Variants in IQCH observed in about 807,000 individuals in gnomAD.
IQCH encodes IQ motif containing H.
A neutral mutation model predicts 117.0 loss-of-function variants in IQCH; 98 were observed. That is an observed-to-expected ratio of 0.84 (90% CI 0.71 to 0.99). The LOEUF is 0.99. IQCH is among the 50% of genes least tolerant of loss of function. The pLI is 0.00. For synonymous variants in IQCH, 412 were observed against 448.2 expected (o/e 0.92, Z 1.02); for missense variants, 1,102 against 1,243.8 (o/e 0.89, Z 1.72).
At chr15:67,301,404 T>TTG (rs1385384751) in intron 4 of IQCH, among the ~76,000 whole-genome samples, 1 of 108,718 alleles carries the variant, frequency 9.2e-6, no homozygotes, top group Non-Finnish European at 2.0e-5. Flanking sequence ...ATGTTAAGTT[T>TTG]TTTTTTTTTT....
intron 14 of IQCH, among the ~76,000 whole-genome samples, chr15:67,414,344 C>T (rs994503540): frequency 5.9e-5 from 9 of 152,054 alleles, no homozygotes; most frequent in Middle Eastern, 3.2e-3. Context: ...CTGGAGAGCA[C>T]GGAGAAAGCT....
intron 5 of IQCH, among the ~76,000 whole-genome samples, chr15:67,339,762 G>A (rs1483156024): frequency 1.3e-5 from 2 of 152,174 alleles, no homozygotes; most frequent in African/African-American, 4.8e-5. Flanking sequence ...GTCTCAGTAG[G>A]TTTGGCCTGA....
Position 67,393,910 on chromosome 15 carries a change from G to A in IQCH, c.1633-1381G>A, listed in dbSNP as rs1227984379. Among the ~76,000 whole-genome samples the A allele has an allele frequency of 6.6e-6, 1 of 152,082 alleles. No individual in the cohort carries two copies. The highest frequency in any genetic ancestry group is 6.6e-5 in the Admixed American group (1 of 15,264). ...GTATTATACTAGGTATTTTACATTT[G>A]TGATCTTATTTTAAAAGCCTTAGAG... is the stretch of plus-strand genomic sequence containing the variant. On this transcript the variant is annotated intron_variant, in intron 12 of 20. Transcript: ENST00000335894. The surrounding 1 kb of genome is among the most constrained non-coding windows in gnomAD (Gnocchi z 5.5).
At position 67,443,633 on chromosome 15, in the gene IQCH, T is replaced by C. The variant is rs1483566211; in HGVS notation, c.2506-21494T>C. Among the ~76,000 whole-genome samples the C allele has an allele frequency of 6.6e-6, 1 of 152,200 alleles. No homozygotes were observed. Among genetic ancestry groups the C allele is most frequent in the Non-Finnish European group, 1.5e-5 (1 of 68,030 alleles). On this transcript the variant is annotated intron_variant, in intron 16 of 20. Coordinates refer to ENST00000335894, the MANE Select transcript of IQCH (RefSeq NM_001031715.3). The surrounding 1 kb of genome is among the most constrained non-coding windows in gnomAD (Gnocchi z 5.0). ...ACCTCCCACATATTACCTTCAGTCC[T>C]ACAATTTGCTTTTCCTTTTTTCTCT...
In IQCH at chr15:67,337,107, A is replaced by G. The variant is rs781046201; in HGVS notation, c.508+12A>G. ...AGATGCCCACAAAGGTTAGTGATTC[A>G]ATAGCCATTTTACGTGTTTAGGAAC... On this transcript the variant is annotated intron_variant, in intron 5 of 20. Coordinates refer to ENST00000335894, the MANE Select transcript of IQCH (RefSeq NM_001031715.3). 1.5e-5 allele frequency: 24 copies of G among 1,612,658 alleles called. No homozygotes were observed. The Admixed American group carries it at 1.7e-4, about 11-fold the overall frequency.
In IQCH at chr15:67,357,431, T is replaced by A. The variant is rs775622696; in HGVS notation, c.714+10T>A. The A allele has an allele frequency of 6.6e-7, 1 of 1,513,814 alleles. No homozygotes were observed. Among genetic ancestry groups the A allele is most frequent in the Admixed American group, 1.7e-5 (1 of 59,912 alleles). 93.8% of individuals were successfully genotyped at this position (1,513,814 alleles called of 1,614,324 possible). Reference sequence around the variant, plus strand: ...GAAACAAAGATCAAAGGTATTTATATTCCTCACTATAGAAAGAAAATTATT... The same window carrying A: ...GAAACAAAGATCAAAGGTATTTATAATCCTCACTATAGAAAGAAAATTATT... On this transcript the variant is annotated intron_variant, in intron 7 of 20. Coordinates refer to ENST00000335894, the MANE Select transcript of IQCH (RefSeq NM_001031715.3).
At chr15:67,484,338 C>T (rs1176925232) in intron 18 of IQCH, among the ~76,000 whole-genome samples, 4 of 151,396 alleles carry the variant, frequency 2.6e-5, no homozygotes, top group South Asian at 2.1e-4. Flanking sequence ...CCTGGGAAGT[C>T]GAGGCTACAG....
At chr15:67,319,759 A>G (rs1968025229) in intron 4 of IQCH, among the ~76,000 whole-genome samples, 1 of 152,252 alleles carries the variant, frequency 6.6e-6, no homozygotes, top group African/African-American at 2.4e-5. Context: ...TTTCCGAGTC[A>G]TATAATTTAC....
At chr15:67,358,124 G>C (rs1279846090) in intron 7 of IQCH, among the ~76,000 whole-genome samples, 1 of 145,342 alleles carries the variant, frequency 6.9e-6, no homozygotes, top group South Asian at 2.2e-4. Context: ...CTCCCAAAGC[G>C]CTGGGATTAT....
rs2083762156 is a variant in IQCH at position 67,494,831 on chromosome 15, T to C, written c.2970+465T>C. ...TTAGGGAGAAGCAGAAAATATAGCATGTATGTGGGCCATCTACCCCACCCG... is the reference window on the plus strand; with the variant it reads ...TTAGGGAGAAGCAGAAAATATAGCACGTATGTGGGCCATCTACCCCACCCG... On this transcript the variant is annotated intron_variant, in intron 20 of 20. Coordinates refer to ENST00000335894, the MANE Select transcript of IQCH (RefSeq NM_001031715.3). The surrounding 1 kb of genome is among the most constrained non-coding windows in gnomAD (Gnocchi z 5.5). 1.3e-5 allele frequency among the ~76,000 whole-genome samples: 2 copies of C among 152,290 alleles called. No homozygotes were observed. Among genetic ancestry groups the C allele is most frequent in the South Asian group, 4.2e-4 (2 of 4,816 alleles).
rs1342542309 is a variant in IQCH at position 67,447,038 on chromosome 15, G to A, written c.2506-18089G>A. 6.6e-6 allele frequency among the ~76,000 whole-genome samples: 1 copy of A among 152,200 alleles called. No individual in the cohort carries two copies. Among genetic ancestry groups the A allele is most frequent in the Non-Finnish European group, 1.5e-5 (1 of 68,044 alleles). On this transcript the variant is annotated intron_variant, in intron 16 of 20. Coordinates refer to ENST00000335894, the MANE Select transcript of IQCH (RefSeq NM_001031715.3). This position sits in a 1 kb window ranked among gnomAD's most constrained non-coding sequence, Gnocchi z 5.3. ...AGAGCAATCAACAGGGTCAAGCACA[G>A]TAGAGAAAACCTGGCCTTTTGGGTT...
At chr15:67,269,134 T>C (rs1965797788) in intron 3 of IQCH, among the ~76,000 whole-genome samples, 1 of 151,920 alleles carries the variant, frequency 6.6e-6, no homozygotes, top group Non-Finnish European at 1.5e-5. Flanking sequence ...ATGCCACTGG[T>C]AACTGATGAA....
In IQCH at chr15:67,404,026, T is replaced by C. The variant is rs1164854483; in HGVS notation, c.2097+3721T>C. The C allele has an allele frequency of 1.3e-5, 2 of 152,226 alleles. No homozygotes were observed. The highest frequency in any genetic ancestry group is 2.9e-5 in the Non-Finnish European group (2 of 68,040). The allele number at this position is 152,226 out of a possible 1,614,324, so 9.4% of individuals were successfully genotyped here. A position where few individuals can be genotyped will look rare whatever the true frequency, so the allele number is the denominator to read the frequency against. On this transcript the variant is annotated intron_variant, in intron 14 of 20. Transcript: ENST00000335894. The surrounding 1 kb of genome is among the most constrained non-coding windows in gnomAD (Gnocchi z 4.6). ...TTACCACTTAATGAGAAATAGGAAA[T>C]TGAACTGGCTCTTGAATGCTTCTAG...
intron 3 of IQCH, among the ~76,000 whole-genome samples, chr15:67,269,592 C>CT (rs1267595964): frequency 6.6e-6 from 1 of 152,118 alleles, no homozygotes; most frequent in Non-Finnish European, 1.5e-5. Flanking sequence ...TTTCTTCTCT[C>CT]TAACTGTATA....
intron 4 of IQCH, among the ~76,000 whole-genome samples, chr15:67,316,028 T>C (rs1160836072): frequency 1.3e-5 from 2 of 152,158 alleles, no homozygotes; most frequent in African/African-American, 4.8e-5. Context: ...GAAAAATAAT[T>C]CTCCTTTCTC....
rs2081883471 is a variant in IQCH at position 67,426,090 on chromosome 15, T to C, written c.2505+4513T>C. On this transcript the variant is annotated intron_variant, in intron 16 of 20. Transcript: ENST00000335894. The surrounding 1 kb of genome is among the most constrained non-coding windows in gnomAD (Gnocchi z 5.1). ...TAAGATGTTCCAGGCTCATTTTCTA[T>C]TTTCCTTGCCCTGGACCTAGGATCG... Among the ~76,000 whole-genome samples the C allele has an allele frequency of 6.6e-6, 1 of 152,186 alleles. No homozygotes were observed. The highest frequency in any genetic ancestry group is 1.5e-5 in the Non-Finnish European group (1 of 68,038).
chr15:67,268,616 G>A (rs1018161860), intron 3 of IQCH, among the ~76,000 whole-genome samples: 4 of 152,178 alleles, frequency 2.6e-5, no homozygotes, highest in South Asian at 4.1e-4. Context: ...CAAGAACAAA[G>A]CAAGTAATAG....
intron 18 of IQCH, among the ~76,000 whole-genome samples, chr15:67,486,469 T>G (rs2083484135): frequency 6.6e-6 from 1 of 152,132 alleles, no homozygotes; most frequent in Non-Finnish European, 1.5e-5. Flanking sequence ...ATCCCACATA[T>G]CCCTGGATAT....
At chr15:67,274,378 G>A (rs1455629604) in intron 3 of IQCH, among the ~76,000 whole-genome samples, 6 of 152,056 alleles carry the variant, frequency 3.9e-5, no homozygotes, top group Non-Finnish European at 7.4e-5. Flanking sequence ...TTCTCTGACT[G>A]TGTGTTCTCA....
Sources: gnomAD v4.1 joint callset for allele counts (sites outside exome capture counted in the v4.1 genomes callset) on GRCh38, gnomAD v4.1.1 for gene constraint, Gnocchi (gnomAD v3.1) non-coding constraint, MANE v1.5 for transcripts, NCBI Gene and HGNC (gene_info 2026-07-23, HGNC 2026-07-21) for gene names.